NXPH1: variants seen among roughly 807,000 people sequenced by gnomAD.
NXPH1 encodes neurexophilin-1.
In NXPH1, 5 loss-of-function variants were observed where a neutral mutation model predicts 23.7. The ratio of observed to expected loss-of-function variants is 0.21; its 90% confidence interval spans 0.11 to 0.44. NXPH1 has a LOEUF of 0.44. Ranked by LOEUF, NXPH1 falls within the 20% of genes least tolerant of loss-of-function variation. NXPH1 has a pLI of 0.99. For missense variants in NXPH1, 324 were observed against 321.6 expected, an observed-to-expected ratio of 1.01 and a Z score of -0.06; for synonymous variants, 144 against 122.2, an observed-to-expected ratio of 1.18 and a Z score of -1.18.
intron 2 of NXPH1, among the ~76,000 whole-genome samples, chr7:8,564,555 C>T (rs140147149): frequency 9.9e-4 from 151 of 151,830 alleles, no homozygotes; most frequent in African/African-American, 3.5e-3. Context: ...GCTGCCATCT[C>T]GGTTAGTAAA....
At chr7:8,581,271 A>G (rs1287263052) in intron 2 of NXPH1, among the ~76,000 whole-genome samples, 2 of 152,166 alleles carry the variant, frequency 1.3e-5, no homozygotes, top group Non-Finnish European at 1.5e-5. Context: ...TTGCATTGCT[A>G]TGAAGAACTA....
intron 2 of NXPH1, among the ~76,000 whole-genome samples, chr7:8,727,658 C>T (rs1780079621): frequency 6.6e-6 from 1 of 152,096 alleles, no homozygotes; most frequent in African/African-American, 2.4e-5. Context: ...AGATATGCGG[C>T]ATTATTTCTG....
intron 2 of NXPH1, among the ~76,000 whole-genome samples, chr7:8,679,818 C>T (rs186562743): frequency 5.3e-5 from 8 of 152,300 alleles, no homozygotes; most frequent in East Asian, 1.9e-4. Context: ...GTCAGGAGTT[C>T]GAGACCAGCC....
intron 2 of NXPH1, among the ~76,000 whole-genome samples, chr7:8,686,477 G>T (rs560595228): frequency 6.6e-6 from 1 of 152,202 alleles, no homozygotes; most frequent in Admixed American, 6.5e-5. Flanking sequence ...ATGACCTTTG[G>T]AAAAATAATA....
intron 2 of NXPH1, among the ~76,000 whole-genome samples, chr7:8,572,246 A>AAT (rs1373313009): frequency 6.6e-6 from 1 of 152,002 alleles, no homozygotes; most frequent in African/African-American, 2.4e-5. Context: ...AAATAATTGC[A>AAT]ATATATATAT....
chr7:8,445,453 G>T (rs536730228), intron 2 of NXPH1, among the ~76,000 whole-genome samples: 282 of 152,298 alleles, frequency 1.9e-3, no homozygotes, highest in South Asian at 7.5e-3. Context: ...CTGCCTCCCT[G>T]CCTCTAACCC....
intron 2 of NXPH1, among the ~76,000 whole-genome samples, chr7:8,620,720 C>G (rs879610185): frequency 6.6e-6 from 1 of 152,214 alleles, no homozygotes; most frequent in African/African-American, 2.4e-5. Context: ...CGAACCAATA[C>G]ATTTCTCCTT....
intron 2 of NXPH1, among the ~76,000 whole-genome samples, chr7:8,667,220 G>T (rs1314314839): frequency 1.3e-5 from 2 of 151,922 alleles, no homozygotes; most frequent in South Asian, 4.1e-4. Context: ...GTGATAATTA[G>T]CCATTACATT....
In NXPH1 at chr7:8,551,843, T is replaced by C. The variant is rs930804817; in HGVS notation, c.54+116076T>C. Among the ~76,000 whole-genome samples the C allele has an allele frequency of 3.3e-5, 5 of 151,404 alleles. 1 individual carries two copies. The highest frequency in any genetic ancestry group is 3.3e-4 in the Admixed American group (5 of 15,154). On this transcript the variant is annotated intron_variant, in intron 2 of 2. Transcript: ENST00000405863. ...AATATTTTTTCTCCATGTCCAACCA[T>C]TTTAGGTTAAACAGTCTAATAGCTT...
chr7:8,752,260 A>C lies in NXPH1; in HGVS notation c.*491A>C, dbSNP rs527874361. The C allele has an allele frequency of 6.3e-6, 1 of 157,544 alleles. No homozygotes were observed. Among genetic ancestry groups the C allele is most frequent in the African/African-American group, 2.4e-5 (1 of 41,464 alleles). The allele number at this position is 157,544 out of a possible 1,614,324, so 9.8% of individuals were successfully genotyped here. A position where few individuals can be genotyped will look rare whatever the true frequency, so the allele number is the denominator to read the frequency against. ...ACTGCTTGGAGTAGCTGTACTGGTAAATACTACTGTAGGAGTATCTGCTTG... is the reference window on the plus strand; with the variant it reads ...ACTGCTTGGAGTAGCTGTACTGGTACATACTACTGTAGGAGTATCTGCTTG... On this transcript the variant is annotated 3_prime_UTR_variant, in exon 3 of 3. Transcript: ENST00000405863.
chr7:8,507,984 G>A (rs1235497668), intron 2 of NXPH1, among the ~76,000 whole-genome samples: 3 of 152,086 alleles, frequency 2.0e-5, no homozygotes, highest in African/African-American at 7.2e-5. Context: ...AACACCCTTT[G>A]AAAAGAATCT....
rs558284372 is a variant in NXPH1 at position 8,436,128 on chromosome 7, G to T, written c.54+361G>T. Among the ~76,000 whole-genome samples, 4 of 152,316 alleles carry T rather than the reference G, an allele frequency of 2.6e-5. No individual in the cohort carries two copies. The East Asian group carries it at 7.7e-4, about 29-fold the overall frequency. ...CTCATGCACAGAGTTTAAACGAAGG[G>T]AAGTGGGGGTGTAGTTGGGTGGTGG... is the stretch of plus-strand genomic sequence containing the variant. On this transcript the variant is annotated intron_variant, in intron 2 of 2. Transcript: ENST00000405863.
intron 2 of NXPH1, among the ~76,000 whole-genome samples, chr7:8,577,454 G>C (rs1818776185): frequency 6.6e-6 from 1 of 152,128 alleles, no homozygotes; most frequent in Non-Finnish European, 1.5e-5. Flanking sequence ...ACTTGCTTCA[G>C]TATTCCTTGT....
chr7:8,537,957 G>C (rs1818054299), intron 2 of NXPH1, among the ~76,000 whole-genome samples: 1 of 151,874 alleles, frequency 6.6e-6, no homozygotes, highest in Non-Finnish European at 1.5e-5. Flanking sequence ...GGGGAATGGA[G>C]CCCTATGATA....
chr7:8,529,532 A>G (rs1306940080), intron 2 of NXPH1, among the ~76,000 whole-genome samples: 3 of 152,222 alleles, frequency 2.0e-5, no homozygotes, highest in South Asian at 2.1e-4. Context: ...AAAGGGCTCC[A>G]TTACCAGTAG....
chr7:8,562,155 A>G (rs1818456263), intron 2 of NXPH1, among the ~76,000 whole-genome samples: 1 of 151,668 alleles, frequency 6.6e-6, no homozygotes, highest in Non-Finnish European at 1.5e-5. Context: ...TGGAGGCACA[A>G]AAACCTTAAA....
Position 8,434,903 on chromosome 7 carries a change from C to G in NXPH1, c.-111+148C>G, listed in dbSNP as rs767758625. On this transcript the variant is annotated intron_variant, in intron 1 of 2. Transcript: ENST00000405863. The surrounding 1 kb of genome is among the most constrained non-coding windows in gnomAD (Gnocchi z 7.6). ...TCACAGCTCGGAGGAGGCTTCTTCT[C>G]TAGAAGTTAGCGACCGGCTGTACCC... 3 of 152,184 alleles carry G rather than the reference C, an allele frequency of 2.0e-5. No homozygotes were observed. Among genetic ancestry groups the G allele is most frequent in the African/African-American group, 7.2e-5 (3 of 41,448 alleles). 9.4% of individuals were successfully genotyped at this position (152,184 alleles called of 1,614,324 possible).
At position 8,442,417 on chromosome 7, in the gene NXPH1, T is replaced by C. The variant is rs1304159289; in HGVS notation, c.54+6650T>C. Among the ~76,000 whole-genome samples the C allele has an allele frequency of 1.3e-5, 2 of 152,080 alleles. No homozygotes were observed. Among genetic ancestry groups the C allele is most frequent in the Non-Finnish European group, 2.9e-5 (2 of 68,010 alleles). On this transcript the variant is annotated intron_variant, in intron 2 of 2. Coordinates refer to ENST00000405863, the MANE Select transcript of NXPH1 (RefSeq NM_152745.3). The surrounding 1 kb of genome is among the most constrained non-coding windows in gnomAD (Gnocchi z 4.6). Reference sequence around the variant, plus strand: ...CCATCACCCCCGCCGCCCTAATGGATTCTGAAGCGAAGGATCCTAGCTGCC... The same window carrying C: ...CCATCACCCCCGCCGCCCTAATGGACTCTGAAGCGAAGGATCCTAGCTGCC...
chr7:8,486,640 G>A (rs958007571), intron 2 of NXPH1, among the ~76,000 whole-genome samples: 4 of 152,106 alleles, frequency 2.6e-5, no homozygotes, highest in Non-Finnish European at 4.4e-5. Context: ...ATGCCATGCT[G>A]GATCCAGCCC....
Sources: allele counts gnomAD v4.1 joint callset (sites outside exome capture counted in the v4.1 genomes callset), GRCh38; gene constraint gnomAD v4.1.1; non-coding constraint Gnocchi (gnomAD v3.1); transcripts MANE v1.5; gene names NCBI Gene and HGNC (gene_info 2026-07-23, HGNC 2026-07-21).